PDS5B: variants seen among roughly 807,000 people sequenced by gnomAD.
PDS5B encodes sister chromatid cohesion protein PDS5 homolog B.
A neutral mutation model predicts 184.1 loss-of-function variants in PDS5B; 51 were observed. The ratio of observed to expected loss-of-function variants is 0.28; its 90% confidence interval spans 0.22 to 0.35. PDS5B has a LOEUF of 0.35. PDS5B is among the 10% of genes least tolerant of loss of function. The pLI is 1.00. For synonymous variants in PDS5B, 566 were observed against 569.2 expected (o/e 0.99, Z 0.08); for missense variants, 1,180 against 1,723.3 (o/e 0.68, Z 5.58).
chr13:32,722,360 G>A (rs1468890272), intron 19 of PDS5B, among the ~76,000 whole-genome samples: 2 of 152,188 alleles, frequency 1.3e-5, no homozygotes, highest in East Asian at 1.9e-4. Context: ...AGATGGAGAC[G>A]ATGGAGAGGG....
chr13:32,695,027 T>G (rs1278592339), intron 14 of PDS5B, among the ~76,000 whole-genome samples: 1 of 151,846 alleles, frequency 6.6e-6, no homozygotes, highest in Non-Finnish European at 1.5e-5. Context: ...AGGACAGAGG[T>G]CAATGGAGCA....
intron 1 of PDS5B, among the ~76,000 whole-genome samples, chr13:32,603,062 G>A (rs1445522647): frequency 6.6e-6 from 1 of 152,136 alleles, no homozygotes; most frequent in East Asian, 1.9e-4. Flanking sequence ...CACTCTGATG[G>A]TAGTTTCTTT....
At chr13:32,692,793 A>G (rs963304966) in intron 13 of PDS5B, among the ~76,000 whole-genome samples, 1 of 152,024 alleles carries the variant, frequency 6.6e-6, no homozygotes, top group African/African-American at 2.4e-5. Flanking sequence ...AAAGGCAATA[A>G]ACAGGCACAG....
chr13:32,626,138 C>T (rs906999033), intron 1 of PDS5B, among the ~76,000 whole-genome samples: 3 of 152,148 alleles, frequency 2.0e-5, no homozygotes, highest in African/African-American at 7.2e-5. Flanking sequence ...CTGCACCCAG[C>T]CCCAGACCAG....
rs1227182780 is a variant in PDS5B at position 32,667,817 on chromosome 13, T to A, written c.678T>A (p.Ala226=). The A allele has an allele frequency of 1.1e-5, 17 of 1,590,580 alleles. No individual in the cohort carries two copies. Among genetic ancestry groups the A allele is most frequent in the Non-Finnish European group, 1.4e-5 (16 of 1,170,078 alleles). ...CAAAGGCTTTACTGAAGAGGACAGC[T>A]CAAGCTATTGAGCCATATATTACCA... is the stretch of plus-strand genomic sequence containing the variant. ...DLAKALLKRT[A]QAIEPYITNF... is the part of the protein sequence containing the mutation. Residue 226 remains alanine, a synonymous_variant, in exon 7 of 35, where the codon GCT becomes GCA. Coordinates refer to ENST00000315596, the MANE Select transcript of PDS5B (RefSeq NM_015032.4).
Position 32,707,010 on chromosome 13 carries a change from G to GCCAT in PDS5B, c.1935_1938dup (p.Arg647HisfsTer6). On this transcript the variant is annotated frameshift_variant, in exon 18 of 35. Coordinates refer to ENST00000315596, the MANE Select transcript of PDS5B (RefSeq NM_015032.4). LOFTEE classifies it high-confidence loss of function. The stretch of plus-strand genomic sequence containing the variant: ...AGATGAGGGTGTTCCAACTGATCAA[G>GCCAT]CCATCAGAGCAGGTCTTGAACTGCT... The GCCAT allele has an allele frequency of 6.2e-7, 1 of 1,608,660 alleles. No homozygotes were observed. Among genetic ancestry groups the GCCAT allele is most frequent in the Non-Finnish European group, 8.5e-7 (1 of 1,177,078 alleles).
chr13:32,655,705 T>A (rs1217881587), intron 3 of PDS5B, among the ~76,000 whole-genome samples: 2 of 152,048 alleles, frequency 1.3e-5, no homozygotes, highest in Non-Finnish European at 2.9e-5. Context: ...TTTTGCTTGT[T>A]AATTAAGTTC....
At chr13:32,700,203 T>C (rs1033510616) in intron 16 of PDS5B, among the ~76,000 whole-genome samples, 2 of 152,110 alleles carry the variant, frequency 1.3e-5, no homozygotes, top group Non-Finnish European at 2.9e-5. Context: ...TTCCTACTTT[T>C]TGATTACTAT....
At chr13:32,692,414 C>CTATTTTTTTTTTT (rs1593440334) in intron 13 of PDS5B, among the ~76,000 whole-genome samples, 1 of 69,124 alleles carries the variant, frequency 1.4e-5, no homozygotes, top group African/African-American at 5.0e-5. Context: ...GTCCAAAAAG[C>CTATTTTTTTTTTT]CTTTTTTTTT....
chr13:32,720,809 T>TC (rs1184663681), intron 19 of PDS5B, among the ~76,000 whole-genome samples: 4 of 151,986 alleles, frequency 2.6e-5, no homozygotes, highest in Non-Finnish European at 5.9e-5. Flanking sequence ...AGTGTTTGTG[T>TC]CCCTGGGTAC....
chr13:32,650,019 T>A (rs986637653), intron 2 of PDS5B: 23 of 152,200 alleles, frequency 1.5e-4, no homozygotes, highest in Non-Finnish European at 3.1e-4. Context: ...AGCATTCCTG[T>A]TGTTTGTTGA....
At chr13:32,599,348 C>G (rs1167638888) in intron 1 of PDS5B, among the ~76,000 whole-genome samples, 1 of 151,946 alleles carries the variant, frequency 6.6e-6, no homozygotes, top group East Asian at 2.0e-4. Flanking sequence ...ACTGCAACCT[C>G]TGCCTCCTGG....
intron 1 of PDS5B, among the ~76,000 whole-genome samples, chr13:32,592,341 G>A (rs948405383): frequency 6.0e-5 from 9 of 149,314 alleles, no homozygotes; most frequent in Non-Finnish European, 1.3e-4. Flanking sequence ...TGCAGCCTCG[G>A]CCTTGGCAGG....
chr13:32,777,349 TTC>T lies in PDS5B; in HGVS notation c.*2299_*2300del, dbSNP rs1464524447. On this transcript the variant is annotated 3_prime_UTR_variant, in exon 35 of 35. Coordinates refer to ENST00000315596, the MANE Select transcript of PDS5B (RefSeq NM_015032.4). ...CGATGTAAATTTTTCTTTTCTTTCT[TTC>T]TTTTTTTTTTTTTTTGTGTAGAAAA... 7 of 125,192 alleles carry T rather than the reference TTC, an allele frequency of 5.6e-5. No homozygotes were observed. In the South Asian group the frequency reaches 1.4e-3, roughly 24 times the overall value. The allele number at this position is 125,192 out of a possible 1,614,324, so 7.8% of individuals were successfully genotyped here. A position where few individuals can be genotyped will look rare whatever the true frequency, so the allele number is the denominator to read the frequency against.
intron 1 of PDS5B, among the ~76,000 whole-genome samples, chr13:32,591,165 G>A (rs1430232412): frequency 2.0e-5 from 3 of 151,800 alleles, no homozygotes; most frequent in East Asian, 3.9e-4. Flanking sequence ...GTCTCGCTCC[G>A]TTGCCCAGAC....
chr13:32,659,361 G>T lies in PDS5B; in HGVS notation c.624+81G>T, dbSNP rs1448828398. The T allele has an allele frequency of 4.9e-6, 5 of 1,015,176 alleles. No individual in the cohort carries two copies. In the African/African-American group the frequency reaches 6.5e-5, roughly 13 times the overall value. The allele number at this position is 1,015,176 out of a possible 1,614,324, so 62.9% of individuals were successfully genotyped here. ...AATTTGTGCTTAGGTTCTAAATATG[G>T]TTTATCCTGCTTTAATCTTTTAGAG... On this transcript the variant is annotated intron_variant, in intron 6 of 34. Coordinates refer to ENST00000315596, the MANE Select transcript of PDS5B (RefSeq NM_015032.4).
At chr13:32,711,897 C>G (rs552348500) in intron 19 of PDS5B, among the ~76,000 whole-genome samples, 1 of 152,140 alleles carries the variant, frequency 6.6e-6, no homozygotes, top group African/African-American at 2.4e-5. Flanking sequence ...AACATTGTAA[C>G]AATTCAGTGA....
At chr13:32,630,941 T>A (rs1168415053) in intron 1 of PDS5B, among the ~76,000 whole-genome samples, 1 of 151,816 alleles carries the variant, frequency 6.6e-6, no homozygotes, top group Non-Finnish European at 1.5e-5. Flanking sequence ...TGCACCACCA[T>A]GGCCGGATAA....
At chr13:32,769,912 G>T (rs995104413) in intron 31 of PDS5B, among the ~76,000 whole-genome samples, 1 of 152,090 alleles carries the variant, frequency 6.6e-6, no homozygotes, top group Non-Finnish European at 1.5e-5. Context: ...AAAAGTAAGA[G>T]TGCAAATGTA....
Sources: allele counts gnomAD v4.1 joint callset (sites outside exome capture counted in the v4.1 genomes callset), GRCh38; gene constraint gnomAD v4.1.1; transcripts MANE v1.5; gene names NCBI Gene and HGNC (gene_info 2026-07-23, HGNC 2026-07-21).